HLA-DMB: variants seen among roughly 807,000 people sequenced by gnomAD.
HLA-DMB encodes the protein major histocompatibility complex, class II, DM beta, also known as HLA class II histocompatibility antigen, DM beta chain.
A neutral mutation model predicts 29.3 loss-of-function variants in HLA-DMB; 18 were observed. The observed-to-expected ratio is 0.62, with a 90% CI of 0.43 to 0.91. The LOEUF is 0.91. HLA-DMB is among the 40% of genes least tolerant of loss of function. HLA-DMB has a pLI of 0.00. For missense variants in HLA-DMB, 258 were observed against 320.9 expected (o/e 0.80, Z 1.50); for synonymous variants, 143 against 128.7 (o/e 1.11, Z -0.75).
intron 1 of HLA-DMB, among the ~76,000 whole-genome samples, chr6:32,940,043 TAAA>T (rs546191235): frequency 3.8e-5 from 5 of 131,942 alleles, no homozygotes; most frequent in Non-Finnish European, 3.3e-5. Flanking sequence ...TTGGTATGAG[TAAA>T]AAAAAAAAAA....
At position 32,938,928 on chromosome 6, in the gene HLA-DMB, C is replaced by A; in HGVS notation, c.93G>T (p.Leu31Phe). ...AATCCTTTGGAGTCCCAGCATCATCCAACAGACAGGTGCTTTCCACATGGG... is the reference window on the plus strand; with the variant it reads ...AATCCTTTGGAGTCCCAGCATCATCAAACAGACAGGTGCTTTCCACATGGG... ...FVAHVESTCLLDDAGTPKDFT... is the reference protein window; with the variant it reads ...FVAHVESTCLFDDAGTPKDFT... The change falls in exon 2 of 6, where the codon TTG becomes TTT. Residue 31 changes from leucine (L) to phenylalanine (F), a missense_variant. By Grantham distance (22) the Leu-to-Phe change is conservative (BLOSUM62 0). Transcript: ENST00000418107. 1 of 1,599,756 alleles carries A rather than the reference C, an allele frequency of 6.3e-7. No individual in the cohort carries two copies. Among genetic ancestry groups the A allele is most frequent in the Non-Finnish European group, 8.5e-7 (1 of 1,173,680 alleles).
chr6:32,937,332 C>CGGAAAAAA lies in HLA-DMB; in HGVS notation c.461_462insTTTTTTCC (p.Lys154AsnfsTer30). ...GCGCACTGCTGTGAGGCATGACAAG[C>CGGAAAAAA]TTCCCGTTCTTCCTCCACGTGATAG... On this transcript the variant is annotated frameshift_variant, in exon 3 of 6. Coordinates refer to ENST00000418107, the MANE Select transcript of HLA-DMB (RefSeq NM_002118.5). LOFTEE classifies it high-confidence loss of function. This position sits in a 1 kb window ranked among gnomAD's most constrained non-coding sequence, Gnocchi z 4.1. 2 of 1,614,230 alleles carry CGGAAAAAA rather than the reference C, an allele frequency of 1.2e-6. No homozygotes were observed. Among genetic ancestry groups the CGGAAAAAA allele is most frequent in the Non-Finnish European group, 1.7e-6 (2 of 1,180,044 alleles).
rs1776141855 is a variant in HLA-DMB at position 32,938,502 on chromosome 6, C to T, written c.337+182G>A. On this transcript the variant is annotated intron_variant, in intron 2 of 5. Coordinates refer to ENST00000418107, the MANE Select transcript of HLA-DMB (RefSeq NM_002118.5). The stretch of plus-strand genomic sequence containing the variant: ...CACCTCCCCTTCTTTACTCCTGTTC[C>T]ACTCACGTCAGCCACCTTGTTCCCC... 21 of 539,468 alleles carry T rather than the reference C, an allele frequency of 3.9e-5. 1 individual carries two copies. The South Asian group carries it at 1.0e-3, about 26-fold the overall frequency. The allele number at this position is 539,468 out of a possible 1,614,324, so 33.4% of individuals were successfully genotyped here.
chr6:32,938,571 T>C, intron 2 of HLA-DMB, 113 bp downstream of exon 2: 1 of 1,079,110 alleles, frequency 9.3e-7, no homozygotes, highest in Non-Finnish European at 1.3e-6. Flanking sequence ...GATCCACACA[T>C]TTTCTCTTAT....
chr6:32,940,942 G>A lies in HLA-DMB; in HGVS notation c.-135C>T, dbSNP rs1776325624. On this transcript the variant is annotated 5_prime_UTR_variant, in exon 1 of 6. Coordinates refer to ENST00000418107, the MANE Select transcript of HLA-DMB (RefSeq NM_002118.5). ...CACTGAGCAGAATACTATATTGCCC[G>A]GGTCCCTTGACCCCCCAAATGAGTG... is the stretch of plus-strand genomic sequence containing the variant. The A allele has an allele frequency of 3.2e-6, 2 of 616,426 alleles. No individual in the cohort carries two copies. Among genetic ancestry groups the A allele is most frequent in the Non-Finnish European group, 5.7e-6 (2 of 351,652 alleles). The allele number at this position is 616,426 out of a possible 1,614,324, so 38.2% of individuals were successfully genotyped here.
At position 32,938,837 on chromosome 6, in the gene HLA-DMB, C is replaced by T. The variant is rs2127470317; in HGVS notation, c.184G>A (p.Ala62Thr). 1 of 1,612,114 alleles carries T rather than the reference C, an allele frequency of 6.2e-7. No homozygotes were observed. The highest frequency in any genetic ancestry group is 8.5e-7 in the Non-Finnish European group (1 of 1,179,626). ...TTCAGCACCCCAAATTCGCAAGGGG[C>T]CATCTTATTCTCCTCTGGATCCCAG... is the stretch of plus-strand genomic sequence containing the variant. ...TCWDPEENKM[A>T]PCEFGVLNSL... Residue 62 changes from alanine (A) to threonine (T), a missense_variant, in exon 2 of 6, where the codon GCC (alanine) becomes ACC (threonine). By Grantham distance (58) the Ala-to-Thr change is moderately conservative. Coordinates refer to ENST00000418107, the MANE Select transcript of HLA-DMB (RefSeq NM_002118.5).
rs148615873 is a variant in HLA-DMB at position 32,935,568 on chromosome 6, C to G, written c.707G>C (p.Gly236Ala). The change falls in exon 4 of 6, where the codon GGT becomes GCT. Residue 236 changes from glycine to alanine, a missense_variant. Transcript: ENST00000418107. ...GCCAGCTCTCCGCCAGCTGATCACACCAAGAGAGAAGATGATGAGGCCCAG... is the reference window on the plus strand; with the variant it reads ...GCCAGCTCTCCGCCAGCTGATCACAGCAAGAGAGAAGATGATGAGGCCCAG... The part of the protein sequence containing the change: ...LGLGLIIFSL[G>A]VISWRRAGHS... The G allele has an allele frequency of 6.2e-7, 1 of 1,613,056 alleles. No homozygotes were observed. Among genetic ancestry groups the G allele is most frequent in the Admixed American group, 1.7e-5 (1 of 60,022 alleles).
chr6:32,938,802 C>T lies in HLA-DMB; in HGVS notation c.219G>A (p.Ala73=), dbSNP rs1045763076. The T allele has an allele frequency of 6.8e-6, 11 of 1,611,100 alleles. 1 individual carries two copies. The highest frequency in any genetic ancestry group is 1.6e-4 in the Middle Eastern group (1 of 6,082). Residue 73 remains alanine, a synonymous_variant, in exon 2 of 6, where the codon GCG becomes GCA. Coordinates refer to ENST00000418107, the MANE Select transcript of HLA-DMB (RefSeq NM_002118.5). ...GGTTGAGGTGCTGTGAGAGGACATT[C>T]GCCAAGCTATTCAGCACCCCAAATT... The part of the protein sequence containing the change: ...PCEFGVLNSL[A]NVLSQHLNQK...
intron 3 of HLA-DMB, 111 bp from the exon 4 acceptor site, chr6:32,935,763 A>C (rs1341135700): frequency 3.5e-5 from 25 of 714,780 alleles, no homozygotes; most frequent in Non-Finnish European, 5.7e-5. Flanking sequence ...TCCCAGCTCC[A>C]AGGGTCTAGC....
chr6:32,934,875 A>G lies in HLA-DMB; in HGVS notation c.*96T>C. ...GGATGGAGAAACCATAGGATCCAAG[A>G]TAATGTCAGGGGGTTGAAGATGTTG... On this transcript the variant is annotated 3_prime_UTR_variant, in exon 6 of 6. Transcript: ENST00000418107. 2 of 1,236,908 alleles carry G rather than the reference A, an allele frequency of 1.6e-6. No individual in the cohort carries two copies. The highest frequency in any genetic ancestry group is 2.4e-6 in the Non-Finnish European group (2 of 841,680). The allele number at this position is 1,236,908 out of a possible 1,614,324, so 76.6% of individuals were successfully genotyped here.
intron 3 of HLA-DMB, 37 bp from the exon 4 acceptor site, chr6:32,935,689 T>A: frequency 6.8e-7 from 1 of 1,477,140 alleles, no homozygotes. Flanking sequence ...CCAGTTTCTG[T>A]TGCTCACCCC....
chr6:32,935,801 T>G (rs1461418826), intron 3 of HLA-DMB, 149 bp from the exon 4 acceptor site: 5 of 623,166 alleles, frequency 8.0e-6, no homozygotes, highest in Non-Finnish European at 1.4e-5. Flanking sequence ...AAGAAAATGA[T>G]CTTTCTCAAA....
At position 32,937,383 on chromosome 6, in the gene HLA-DMB, C is replaced by T; in HGVS notation, c.411G>A (p.Val137=). The T allele has an allele frequency of 6.2e-7, 1 of 1,614,216 alleles. No individual in the cohort carries two copies. Among genetic ancestry groups the T allele is most frequent in the Non-Finnish European group, 8.5e-7 (1 of 1,180,026 alleles). The change falls in exon 3 of 6, where the codon GTG becomes GTA. Residue 137 remains valine, a synonymous_variant. Coordinates refer to ENST00000418107, the MANE Select transcript of HLA-DMB (RefSeq NM_002118.5). This position sits in a 1 kb window ranked among gnomAD's most constrained non-coding sequence, Gnocchi z 4.1. The part of the protein sequence containing the change: ...TREPVMLACY[V]WGFYPAEVTI... ...TCACTTCTGCTGGATAGAAGCCCCA[C>T]ACATAGCAGGCCAGCATCACAGGCT...
chr6:32,935,682 G>A (rs1775960084), intron 3 of HLA-DMB, 30 bp from the exon 4 acceptor site: 2 of 1,535,626 alleles, frequency 1.3e-6, no homozygotes, highest in African/African-American at 1.4e-5. Flanking sequence ...ACTTGACCCA[G>A]TTTCTGTTGC....
At chr6:32,940,568 A>G (rs1443173704) in intron 1 of HLA-DMB, among the ~76,000 whole-genome samples, 185 bp downstream of exon 1, 1 of 152,226 alleles carries the variant, frequency 6.6e-6, no homozygotes, top group African/African-American at 2.4e-5. Context: ...CCAGCAGGGA[A>G]TATACACTGC....
chr6:32,934,770 T>G lies in HLA-DMB; in HGVS notation c.*201A>C. The G allele has an allele frequency of 1.6e-6, 1 of 610,274 alleles. No individual in the cohort carries two copies. The highest frequency in any genetic ancestry group is 2.9e-6 in the Non-Finnish European group (1 of 344,418). 37.8% of individuals were successfully genotyped at this position (610,274 alleles called of 1,614,324 possible). ...AGAAATATAGCCTTGGACAATAATT[T>G]GGTTACAGCATAGTCCCAGGAATGA... On this transcript the variant is annotated 3_prime_UTR_variant, in exon 6 of 6. Transcript: ENST00000418107.
chr6:32,938,938 G>T lies in HLA-DMB; in HGVS notation c.83C>A (p.Thr28Asn), dbSNP rs112179266. 1 of 1,589,332 alleles carries T rather than the reference G, an allele frequency of 6.3e-7. No homozygotes were observed. Among genetic ancestry groups the T allele is most frequent in the Middle Eastern group, 1.8e-4 (1 of 5,694 alleles). Reference sequence around the variant, plus strand: ...AGTCCCAGCATCATCCAACAGACAGGTGCTTTCCACATGGGCCACGAAGCC... The same window carrying T: ...AGTCCCAGCATCATCCAACAGACAGTTGCTTTCCACATGGGCCACGAAGCC... ...AGGFVAHVES[T>N]CLLDDAGTPK... is the part of the protein sequence containing the mutation. Residue 28 changes from threonine (T) to asparagine (N), a missense_variant, in exon 2 of 6, where the codon ACC becomes AAC. Transcript: ENST00000418107.
Position 32,939,808 on chromosome 6 carries a change from T to A in HLA-DMB, c.56-843A>T, listed in dbSNP as rs1231707071. ...ACTTTTCCTGAGTTCCATAAGCCAC[T>A]TTAGCAAATTACCAACCCCAAGGAG... is the stretch of plus-strand genomic sequence containing the variant. On this transcript the variant is annotated intron_variant, in intron 1 of 5. Transcript: ENST00000418107. Among the ~76,000 whole-genome samples the A allele has an allele frequency of 2.6e-5, 4 of 152,204 alleles. No individual in the cohort carries two copies. In the East Asian group the frequency reaches 7.7e-4, roughly 29 times the overall value.
At position 32,938,940 on chromosome 6, in the gene HLA-DMB, G is replaced by C. The variant is rs779593152; in HGVS notation, c.81C>G (p.Ser27Arg). 49 of 1,587,236 alleles carry C rather than the reference G, an allele frequency of 3.1e-5. No individual in the cohort carries two copies. The Admixed American group carries it at 7.9e-4, about 25-fold the overall frequency. ...TCCCAGCATCATCCAACAGACAGGT[G>C]CTTTCCACATGGGCCACGAAGCCAC... is the stretch of plus-strand genomic sequence containing the variant. ...GAGGFVAHVESTCLLDDAGTP... is the reference protein window; with the variant it reads ...GAGGFVAHVERTCLLDDAGTP... Residue 27 changes from serine to arginine, a missense_variant, in exon 2 of 6, where the codon AGC becomes AGG. By Grantham distance (110) the Ser-to-Arg change is moderately radical. Coordinates refer to ENST00000418107, the MANE Select transcript of HLA-DMB (RefSeq NM_002118.5).
Sources: allele counts gnomAD v4.1 joint callset (sites outside exome capture counted in the v4.1 genomes callset), GRCh38; gene constraint gnomAD v4.1.1; non-coding constraint Gnocchi (gnomAD v3.1); transcripts MANE v1.5; gene names NCBI Gene and HGNC (gene_info 2026-07-23, HGNC 2026-07-21).